ATP8A2: variants seen among roughly 807,000 people sequenced by gnomAD.
ATP8A2 encodes phospholipid-transporting ATPase IB.
In ATP8A2, 100 loss-of-function variants were observed where a neutral mutation model predicts 165.6. The ratio of observed to expected loss-of-function variants is 0.60; its 90% confidence interval spans 0.51 to 0.71. ATP8A2 has a LOEUF of 0.71. Among genes scored for constraint, ATP8A2 ranks in the 30% least tolerant of loss-of-function variants. The pLI is 0.00. For missense variants in ATP8A2, 1,227 were observed against 1,479.5 expected (o/e 0.83, Z 2.80); for synonymous variants, 543 against 548.8 (o/e 0.99, Z 0.15).
intron 1 of ATP8A2, among the ~76,000 whole-genome samples, chr13:25,423,922 C>G (rs1195798009): frequency 2.0e-5 from 3 of 152,084 alleles, no homozygotes; most frequent in Non-Finnish European, 4.4e-5. Context: ...TGAGTTGTGT[C>G]CACTGACAGC....
intron 1 of ATP8A2, among the ~76,000 whole-genome samples, chr13:25,465,683 C>T (rs965084949): frequency 0.01 from 115 of 11,358 alleles, 2 homozygotes; most frequent in African/African-American, 0.024. Flanking sequence ...TTCTTTCTTT[C>T]TTTCTTTCTT....
At chr13:25,828,975 G>A (rs999092058) in intron 28 of ATP8A2, among the ~76,000 whole-genome samples, 1 of 152,148 alleles carries the variant, frequency 6.6e-6, no homozygotes, top group Admixed American at 6.5e-5. Context: ...ACATTCTGAA[G>A]CAGCCATCAT....
At chr13:25,408,751 G>A (rs2033882978) in intron 1 of ATP8A2, among the ~76,000 whole-genome samples, 1 of 152,106 alleles carries the variant, frequency 6.6e-6, no homozygotes, top group Non-Finnish European at 1.5e-5. Flanking sequence ...GATCTCTTAT[G>A]CTTTGGGACC....
At chr13:25,445,643 A>G (rs998406874) in intron 1 of ATP8A2, among the ~76,000 whole-genome samples, 6 of 152,348 alleles carry the variant, frequency 3.9e-5, no homozygotes, top group Non-Finnish European at 7.3e-5. Flanking sequence ...ACTATGTGAG[A>G]AAAATACCAT....
intron 25 of ATP8A2, among the ~76,000 whole-genome samples, chr13:25,710,456 T>C (rs1009725363): frequency 6.6e-6 from 1 of 152,202 alleles, no homozygotes; most frequent in Non-Finnish European, 1.5e-5. Context: ...GTACCCAGCA[T>C]TCTACTTAGG....
chr13:25,461,392 C>T (rs1453300156), intron 1 of ATP8A2, among the ~76,000 whole-genome samples: 1 of 152,156 alleles, frequency 6.6e-6, no homozygotes, highest in Non-Finnish European at 1.5e-5. Flanking sequence ...TTTGATGTGC[C>T]TGTGTTCTGA....
At chr13:25,564,617 C>T (rs566804462) in intron 16 of ATP8A2, among the ~76,000 whole-genome samples, 8 of 152,238 alleles carry the variant, frequency 5.3e-5, no homozygotes, top group African/African-American at 1.9e-4. Context: ...TTTTTAACTA[C>T]GACATCACAC....
chr13:25,488,381 A>G (rs2036418100), intron 2 of ATP8A2, among the ~76,000 whole-genome samples: 1 of 152,026 alleles, frequency 6.6e-6, no homozygotes, highest in Non-Finnish European at 1.5e-5. Context: ...TGTGTATTTG[A>G]CTTCTCCAGG....
intron 24 of ATP8A2, among the ~76,000 whole-genome samples, chr13:25,596,984 C>CT (rs970804657): frequency 6.6e-6 from 1 of 151,976 alleles, no homozygotes; most frequent in African/African-American, 2.4e-5. Flanking sequence ...CTCATTGTGA[C>CT]TTTAAGTTAT....
chr13:25,532,997 G>A (rs2038163625), intron 5 of ATP8A2, among the ~76,000 whole-genome samples: 1 of 151,946 alleles, frequency 6.6e-6, no homozygotes, highest in Non-Finnish European at 1.5e-5. Flanking sequence ...GGAACAGCAG[G>A]CTTTTTTTTT....
intron 36 of ATP8A2, among the ~76,000 whole-genome samples, chr13:26,018,590 G>A (rs1462827244): frequency 6.6e-6 from 1 of 152,180 alleles, no homozygotes; most frequent in Non-Finnish European, 1.5e-5. Context: ...TGAGCTGTGG[G>A]ACTTTTCCAG....
intron 34 of ATP8A2, among the ~76,000 whole-genome samples, chr13:25,962,558 T>C (rs1028874006): frequency 6.6e-6 from 1 of 152,224 alleles, no homozygotes; most frequent in South Asian, 2.1e-4. Flanking sequence ...GGAGGGCTGC[T>C]CCAAGTAAAA....
chr13:25,771,232 C>A (rs966542048), intron 26 of ATP8A2, among the ~76,000 whole-genome samples: 10 of 152,320 alleles, frequency 6.6e-5, no homozygotes, highest in African/African-American at 1.9e-4. Context: ...CAGGTCCAAG[C>A]AAGCAAGCAT....
Position 25,918,002 on chromosome 13 carries a change from A to G in ATP8A2, c.3184-43573A>G, listed in dbSNP as rs943816506. On this transcript the variant is annotated intron_variant, in intron 33 of 36. Coordinates refer to ENST00000381655, the MANE Select transcript of ATP8A2 (RefSeq NM_016529.6). ...CCCAAAAGATAGTTGACCATGAAGAAGAAGATGAGGGAAATATGAGAAGGC... is the reference window on the plus strand; with the variant it reads ...CCCAAAAGATAGTTGACCATGAAGAGGAAGATGAGGGAAATATGAGAAGGC... 3.3e-5 allele frequency among the ~76,000 whole-genome samples: 5 copies of G among 152,252 alleles called. No homozygotes were observed. The East Asian group carries it at 9.6e-4, about 29-fold the overall frequency.
chr13:25,661,560 TAAGTA>T (rs915218571), intron 24 of ATP8A2, among the ~76,000 whole-genome samples: 8 of 152,234 alleles, frequency 5.3e-5, no homozygotes, highest in Non-Finnish European at 1.2e-4. Context: ...AAAATTGACT[TAAGTA>T]AAGGGTGAGA....
At chr13:25,824,509 A>AT (rs1252298374) in intron 27 of ATP8A2, among the ~76,000 whole-genome samples, 3 of 151,726 alleles carry the variant, frequency 2.0e-5, no homozygotes, top group African/African-American at 2.4e-5. Flanking sequence ...ATATCCTCTT[A>AT]TTTTTTTCTA....
At chr13:25,970,741 A>C (rs1408821492) in intron 35 of ATP8A2, among the ~76,000 whole-genome samples, 5 of 152,312 alleles carry the variant, frequency 3.3e-5, no homozygotes, top group Admixed American at 3.3e-4. Context: ...CTTTGGCAGG[A>C]GAGTCATGAG....
At chr13:25,522,686 G>A (rs1180942185) in intron 2 of ATP8A2, among the ~76,000 whole-genome samples, 1 of 152,030 alleles carries the variant, frequency 6.6e-6, no homozygotes, top group East Asian at 1.9e-4. Context: ...TTTGTTCTTG[G>A]TTCTGTTAAT....
At chr13:25,532,241 T>C (rs1161734171) in intron 4 of ATP8A2, 31 bp from the exon 5 acceptor site, 2 of 1,580,382 alleles carry the variant, frequency 1.3e-6, no homozygotes, top group African/African-American at 1.3e-5. Context: ...AACTTTTGAA[T>C]GTTAAACTAT....
Sources: allele counts gnomAD v4.1 joint callset (sites outside exome capture counted in the v4.1 genomes callset), GRCh38; gene constraint gnomAD v4.1.1; transcripts MANE v1.5; gene names NCBI Gene and HGNC (gene_info 2026-07-23, HGNC 2026-07-21).